Variants in ARHGAP31 observed in about 807,000 individuals in gnomAD.
ARHGAP31 encodes the protein Rho GTPase activating protein 31.
In ARHGAP31, 34 loss-of-function variants were observed where a neutral mutation model predicts 113.9. That is an observed-to-expected ratio of 0.30 (90% CI 0.23 to 0.40). The LOEUF (loss-of-function observed/expected upper bound fraction) is 0.40, where lower values mean the gene tolerates loss of function less well. Ranked by LOEUF, ARHGAP31 falls within the 10% of genes least tolerant of loss-of-function variation. ARHGAP31 has a pLI of 1.00. For synonymous variants in ARHGAP31, 650 were observed against 684.8 expected, an observed-to-expected ratio of 0.95 and a Z score of 0.79; for missense variants, 1,548 against 1,767.1, an observed-to-expected ratio of 0.88 and a Z score of 2.22.
intron 1 of ARHGAP31, among the ~76,000 whole-genome samples, chr3:119,336,089 C>T (rs149933581): frequency 9.9e-5 from 15 of 152,228 alleles, no homozygotes; most frequent in African/African-American, 3.4e-4. Flanking sequence ...GCAGGAGAAT[C>T]GCTTGAACCT....
chr3:119,343,962 C>T (rs1281773701), intron 1 of ARHGAP31, among the ~76,000 whole-genome samples: 1 of 152,148 alleles, frequency 6.6e-6, no homozygotes, highest in Non-Finnish European at 1.5e-5. Flanking sequence ...TAAGGTTGGC[C>T]CTGGAGGGCA....
chr3:119,314,441 T>G (rs1377170742), intron 1 of ARHGAP31: 1 of 152,280 alleles, frequency 6.6e-6, no homozygotes, highest in East Asian at 1.9e-4. Context: ...TCTGTGAGAC[T>G]CAGGAACTGT....
At chr3:119,412,456 C>T (rs6781905) in intron 11 of ARHGAP31, among the ~76,000 whole-genome samples, 2,807 of 152,014 alleles carry the variant, frequency 0.018, 74 homozygotes, top group African/African-American at 0.063. Context: ...AGCAGGCCTC[C>T]TTCCATCCTT....
At chr3:119,411,395 A>G (rs1229648110) in intron 11 of ARHGAP31, among the ~76,000 whole-genome samples, 6 of 152,144 alleles carry the variant, frequency 3.9e-5, no homozygotes, top group African/African-American at 9.7e-5. Context: ...TACAATCACT[A>G]TTTAGAAGGT....
At chr3:119,326,636 TA>T (rs1175082618) in intron 1 of ARHGAP31, among the ~76,000 whole-genome samples, 1 of 152,218 alleles carries the variant, frequency 6.6e-6, no homozygotes, top group Admixed American at 6.5e-5. Flanking sequence ...GGCAGTTAAC[TA>T]GCTATTGTTT....
chr3:119,299,839 C>T (rs2079564781), intron 1 of ARHGAP31, among the ~76,000 whole-genome samples: 1 of 152,216 alleles, frequency 6.6e-6, no homozygotes, highest in Non-Finnish European at 1.5e-5. Context: ...GCAGCAAAGT[C>T]TTAGCAAAGA....
chr3:119,375,762 A>G (rs1408612081), intron 3 of ARHGAP31, among the ~76,000 whole-genome samples: 4 of 152,120 alleles, frequency 2.6e-5, no homozygotes, highest in Non-Finnish European at 2.9e-5. Context: ...TAAATTATGT[A>G]TTTGCCTTTT....
intron 6 of ARHGAP31, among the ~76,000 whole-genome samples, chr3:119,389,979 G>A (rs1373823319): frequency 6.6e-6 from 1 of 152,212 alleles, no homozygotes; most frequent in Non-Finnish European, 1.5e-5. Context: ...CTAGACACCA[G>A]TAGCACTGCC....
intron 1 of ARHGAP31, among the ~76,000 whole-genome samples, chr3:119,304,308 G>A (rs140478507): frequency 1.3e-5 from 2 of 152,224 alleles, no homozygotes; most frequent in African/African-American, 4.8e-5. Context: ...CAGGGGATGT[G>A]CACATGTGAG....
At chr3:119,367,324 A>T (rs1043842707) in intron 2 of ARHGAP31, among the ~76,000 whole-genome samples, 8 of 152,164 alleles carry the variant, frequency 5.3e-5, no homozygotes, top group Non-Finnish European at 8.8e-5. Flanking sequence ...TCTCTTCTAT[A>T]TTAAAGCTCC....
At chr3:119,300,681 A>T (rs965173965) in intron 1 of ARHGAP31, among the ~76,000 whole-genome samples, 1 of 151,946 alleles carries the variant, frequency 6.6e-6, no homozygotes, top group Non-Finnish European at 1.5e-5. Context: ...ATACAAAAAA[A>T]AATTAGCTGA....
chr3:119,334,148 C>T (rs2079920785), intron 1 of ARHGAP31, among the ~76,000 whole-genome samples: 1 of 152,192 alleles, frequency 6.6e-6, no homozygotes. Flanking sequence ...ACCTCTTGCC[C>T]TTCCAGCACC....
intron 1 of ARHGAP31, among the ~76,000 whole-genome samples, chr3:119,340,366 G>A (rs753156833): frequency 2.0e-5 from 3 of 152,150 alleles, no homozygotes; most frequent in South Asian, 2.1e-4. Flanking sequence ...TTCCCTTCTC[G>A]TTTTGTCATC....
intron 1 of ARHGAP31, chr3:119,330,003 A>G: frequency 1.0e-6 from 1 of 985,450 alleles, no homozygotes; most frequent in Non-Finnish European, 1.2e-6. Context: ...TTCCACTATC[A>G]TCGGTGACTC....
intron 1 of ARHGAP31, among the ~76,000 whole-genome samples, chr3:119,364,339 C>T (rs1426591054): frequency 1.2e-4 from 18 of 151,564 alleles, no homozygotes; most frequent in Admixed American, 1.2e-3. Flanking sequence ...AGTCTTTTTT[C>T]CTTCGAATTT....
chr3:119,416,295 A>T lies in ARHGAP31; in HGVS notation c.*31A>T, dbSNP rs751543314. On this transcript the variant is annotated 3_prime_UTR_variant, in exon 12 of 12. Transcript: ENST00000264245. ...GTTCACCTGCTGGTGTCTGAAAAAAACCGTGATTCATCTGGAAGTTATTAC... is the reference window on the plus strand; with the variant it reads ...GTTCACCTGCTGGTGTCTGAAAAAATCCGTGATTCATCTGGAAGTTATTAC... The T allele has an allele frequency of 1.2e-6, 2 of 1,610,192 alleles. No individual in the cohort carries two copies. The highest frequency in any genetic ancestry group is 2.2e-5 in the South Asian group (2 of 90,976).
intron 6 of ARHGAP31, among the ~76,000 whole-genome samples, chr3:119,387,503 C>T (rs1191903356): frequency 6.6e-6 from 1 of 152,172 alleles, no homozygotes; most frequent in African/African-American, 2.4e-5. Flanking sequence ...AGCTCGTGTC[C>T]TCTGTCTCTT....
At chr3:119,401,510 A>G (rs2080607043) in intron 9 of ARHGAP31, among the ~76,000 whole-genome samples, 1 of 152,210 alleles carries the variant, frequency 6.6e-6, no homozygotes, top group Admixed American at 6.5e-5. Context: ...TGCCTAGTAG[A>G]TGATGGCTCT....
intron 1 of ARHGAP31, among the ~76,000 whole-genome samples, chr3:119,313,459 A>G (rs1356831035): frequency 6.6e-6 from 1 of 152,238 alleles, no homozygotes; most frequent in Admixed American, 6.5e-5. Flanking sequence ...TTTCATTGAT[A>G]ATTTCTATTA....
Sources: allele counts gnomAD v4.1 joint callset (sites outside exome capture counted in the v4.1 genomes callset), GRCh38; gene constraint gnomAD v4.1.1; transcripts MANE v1.5; gene names NCBI Gene and HGNC (gene_info 2026-07-23, HGNC 2026-07-21).